Variants in THRB observed in about 807,000 individuals in gnomAD.
The protein encoded by THRB is thyroid hormone receptor beta, also known as nuclear receptor subfamily 1 group A member 2.
In THRB, 12 loss-of-function variants were observed where a neutral mutation model predicts 47.8. The ratio of observed to expected loss-of-function variants is 0.25; its 90% CI spans 0.16 to 0.41. The LOEUF is 0.41. THRB is among the 10% of genes least tolerant of loss of function. The probability of loss-of-function intolerance (pLI) is 1.00; values close to 1 mark genes in which losing one functional copy is unlikely to be tolerated. For synonymous variants in THRB, 218 were observed against 212.2 expected (o/e 1.03, Z -0.24); for missense variants, 348 against 589.2 (o/e 0.59, Z 4.24).
chr3:24,365,025 G>T (rs1163523795), intron 1 of THRB, among the ~76,000 whole-genome samples: 3 of 152,066 alleles, frequency 2.0e-5, no homozygotes, highest in Non-Finnish European at 4.4e-5. Flanking sequence ...TACAGAATAT[G>T]CCAGAAGTGG....
chr3:24,328,401 C>T (rs1032584651), intron 2 of THRB, among the ~76,000 whole-genome samples: 4 of 152,118 alleles, frequency 2.6e-5, no homozygotes, highest in South Asian at 4.1e-4. Context: ...GAGCATTTGA[C>T]GCCTCCACAT....
At chr3:24,156,276 T>C (rs984223273) in intron 5 of THRB, among the ~76,000 whole-genome samples, 1 of 152,204 alleles carries the variant, frequency 6.6e-6, no homozygotes, top group African/African-American at 2.4e-5. Context: ...TTCTTCCCTA[T>C]GGGCAAGATC....
At chr3:24,404,686 AAATG>A (rs2067682983) in intron 1 of THRB, among the ~76,000 whole-genome samples, 2 of 151,894 alleles carry the variant, frequency 1.3e-5, no homozygotes, top group Non-Finnish European at 2.9e-5. Context: ...TTACTACTTT[AAATG>A]AATTAACAAA....
intron 1 of THRB, among the ~76,000 whole-genome samples, chr3:24,446,635 G>A (rs1317374992): frequency 6.6e-6 from 1 of 151,286 alleles, no homozygotes; most frequent in African/African-American, 2.4e-5. Context: ...AGTGACATCA[G>A]AAGTCTATTT....
Position 24,190,295 on chromosome 3 carries a change from G to A in THRB, c.62C>T (p.Pro21Leu). The change falls in exon 5 of 11, where the codon CCA (proline) becomes CTA (leucine). Residue 21 changes from proline to leucine, a missense_variant. This residue lies in a region of THRB where 148 missense variants were observed against 122.3 expected (regional missense o/e 1.21). Coordinates refer to ENST00000646209, the MANE Select transcript of THRB (RefSeq NM_001354712.2). ...LTAWDKPKHC[P>L]DREHDWKLVG... ...TAGCTTCCAGTCGTGTTCTCGGTCTGGACAGTGCTTCGGTTTGTCCCAGGC... is the reference window on the plus strand; with the variant it reads ...TAGCTTCCAGTCGTGTTCTCGGTCTAGACAGTGCTTCGGTTTGTCCCAGGC... 6.2e-7 allele frequency: 1 copy of A among 1,614,108 alleles called. No homozygotes were observed. Among genetic ancestry groups the A allele is most frequent in the Non-Finnish European group, 8.5e-7 (1 of 1,179,964 alleles).
chr3:24,231,326 A>T (rs957212707), intron 3 of THRB, among the ~76,000 whole-genome samples: 3 of 152,188 alleles, frequency 2.0e-5, no homozygotes, highest in African/African-American at 7.2e-5. Flanking sequence ...CAAAATTCCA[A>T]TTGAATAGGC....
At chr3:24,404,516 A>G (rs1209830380) in intron 1 of THRB, among the ~76,000 whole-genome samples, 1 of 151,996 alleles carries the variant, frequency 6.6e-6, no homozygotes, top group African/African-American at 2.4e-5. Context: ...AAATGAGAAT[A>G]GATATGAGAA....
At chr3:24,168,642 G>GT (rs1407648436) in intron 5 of THRB, among the ~76,000 whole-genome samples, 1 of 151,614 alleles carries the variant, frequency 6.6e-6, no homozygotes, top group Non-Finnish European at 1.5e-5. Context: ...GTTCTACTAG[G>GT]TGTCTGACCC....
chr3:24,304,153 G>T (rs1483452087), intron 2 of THRB, among the ~76,000 whole-genome samples: 1 of 152,000 alleles, frequency 6.6e-6, no homozygotes, highest in African/African-American at 2.4e-5. Context: ...CCAAATACAA[G>T]AAAGGACATA....
intron 1 of THRB, among the ~76,000 whole-genome samples, chr3:24,395,353 T>C (rs2066878465): frequency 6.6e-6 from 1 of 152,050 alleles, no homozygotes; most frequent in African/African-American, 2.4e-5. Context: ...GAAGAATATA[T>C]TTGAAAATCA....
intron 2 of THRB, among the ~76,000 whole-genome samples, chr3:24,336,722 C>CTTTTT (rs1553717322): frequency 7.4e-6 from 1 of 135,960 alleles, no homozygotes; most frequent in Non-Finnish European, 1.6e-5. Flanking sequence ...AATTCTCATG[C>CTTTTT]TTTTTTTTTT....
At position 24,212,222 on chromosome 3, in the gene THRB, C is replaced by A. The variant is rs1417375041; in HGVS notation, c.22+16716G>T. ...GACCAGCCTGGTCAACATAATGAAA[C>A]CCCATCTCTACTAAAAATACAAAAA... On this transcript the variant is annotated intron_variant, in intron 4 of 10. Coordinates refer to ENST00000646209, the MANE Select transcript of THRB (RefSeq NM_001354712.2). Among the ~76,000 whole-genome samples the A allele has an allele frequency of 2.6e-5, 4 of 152,162 alleles. No homozygotes were observed. The East Asian group carries it at 7.8e-4, about 30-fold the overall frequency.
At chr3:24,325,366 T>G (rs1320754149) in intron 2 of THRB, among the ~76,000 whole-genome samples, 1 of 152,134 alleles carries the variant, frequency 6.6e-6, no homozygotes, top group Admixed American at 6.5e-5. Context: ...ATTGGTTCAC[T>G]CTCAATTAAT....
intron 9 of THRB, among the ~76,000 whole-genome samples, chr3:24,131,973 C>T (rs371395141): frequency 3.3e-5 from 5 of 152,140 alleles, no homozygotes; most frequent in Non-Finnish European, 5.9e-5. Context: ...ATCTGTTTCC[C>T]GAAGCCCACT....
At chr3:24,258,269 A>T (rs781659066) in intron 3 of THRB, among the ~76,000 whole-genome samples, 1 of 152,142 alleles carries the variant, frequency 6.6e-6, no homozygotes, top group Non-Finnish European at 1.5e-5. Flanking sequence ...TGTCCGTCTG[A>T]GGCACAGAGA....
chr3:24,441,444 G>A (rs1400182233), intron 1 of THRB, among the ~76,000 whole-genome samples: 1 of 152,176 alleles, frequency 6.6e-6, no homozygotes, highest in Non-Finnish European at 1.5e-5. Context: ...GGTCTTTTGT[G>A]CCCTGCTATG....
intron 1 of THRB, among the ~76,000 whole-genome samples, chr3:24,400,753 A>G (rs2067325577): frequency 6.6e-6 from 1 of 152,062 alleles, no homozygotes. Context: ...TGGCTAGATC[A>G]GATGCTTACT....
intron 1 of THRB, among the ~76,000 whole-genome samples, chr3:24,477,765 G>A (rs757064039): frequency 4.6e-5 from 7 of 151,684 alleles, no homozygotes; most frequent in Middle Eastern, 3.4e-3. Flanking sequence ...CAGTGACACC[G>A]GCACCATCAT....
chr3:24,211,914 A>C (rs924803087), intron 4 of THRB, among the ~76,000 whole-genome samples: 1 of 152,194 alleles, frequency 6.6e-6, no homozygotes, highest in South Asian at 2.1e-4. Flanking sequence ...AATGCAGACA[A>C]TATTTGCAGG....
Sources: gnomAD v4.1 joint callset for allele counts (sites outside exome capture counted in the v4.1 genomes callset) on GRCh38, gnomAD v4.1.1 for gene constraint, gnomAD v4.1.1 regional missense constraint, MANE v1.5 for transcripts, NCBI Gene and HGNC (gene_info 2026-07-23, HGNC 2026-07-21) for gene names.